The following CNTNAP5 variants were observed in gnomAD, a reference collection of about 807,000 sequenced individuals.
CNTNAP5 encodes the protein contactin-associated protein-like 5.
In CNTNAP5, 72 loss-of-function variants were observed where a neutral mutation model predicts 150.2. That is an observed-to-expected ratio of 0.48 (90% CI 0.40 to 0.58). CNTNAP5 has a LOEUF of 0.58. CNTNAP5 is among the 20% of genes least tolerant of loss of function. The pLI is 0.00. For missense variants in CNTNAP5, 1,636 were observed against 1,626.2 expected (o/e 1.01, Z -0.10); for synonymous variants, 672 against 619.8 (o/e 1.08, Z -1.25).
intron 6 of CNTNAP5, among the ~76,000 whole-genome samples, chr2:124,449,434 A>C (rs967799870): frequency 7.2e-5 from 11 of 152,110 alleles, no homozygotes; most frequent in Non-Finnish European, 1.6e-4. Flanking sequence ...TTCCCCCGAC[A>C]TACTTTCCCT....
chr2:124,050,663 G>A (rs189846151), intron 1 of CNTNAP5, among the ~76,000 whole-genome samples: 1 of 152,158 alleles, frequency 6.6e-6, no homozygotes, highest in East Asian at 1.9e-4. Context: ...TCCTTACATG[G>A]TACCTTTGAC....
At chr2:124,506,078 G>A (rs2104865365) in intron 8 of CNTNAP5, among the ~76,000 whole-genome samples, 1 of 152,080 alleles carries the variant, frequency 6.6e-6, no homozygotes, top group Non-Finnish European at 1.5e-5. Flanking sequence ...ATTAATATAA[G>A]TAGATAGTTT....
intron 16 of CNTNAP5, among the ~76,000 whole-genome samples, chr2:124,768,013 T>C (rs147348435): frequency 3.4e-4 from 51 of 152,194 alleles, no homozygotes; most frequent in African/African-American, 1.2e-3. Context: ...ACATTGCAGA[T>C]TGATTTATAC....
chr2:124,243,474 T>A (rs1410699440), intron 3 of CNTNAP5, among the ~76,000 whole-genome samples: 1 of 152,190 alleles, frequency 6.6e-6, no homozygotes, highest in Non-Finnish European at 1.5e-5. Context: ...AAATTGAGGA[T>A]TAAAATTAGT....
At chr2:124,717,987 G>A (rs928867680) in intron 13 of CNTNAP5, among the ~76,000 whole-genome samples, 1 of 152,064 alleles carries the variant, frequency 6.6e-6, no homozygotes, top group East Asian at 1.9e-4. Flanking sequence ...ACAATATTAA[G>A]GTTTTATTGT....
intron 1 of CNTNAP5, among the ~76,000 whole-genome samples, chr2:124,166,556 T>C (rs545300236): frequency 1.3e-5 from 2 of 152,304 alleles, no homozygotes; most frequent in Non-Finnish European, 2.9e-5. Context: ...CAATTTTCTG[T>C]TATACCTTGT....
chr2:124,651,929 C>T (rs1284181563), intron 13 of CNTNAP5, among the ~76,000 whole-genome samples: 2 of 152,168 alleles, frequency 1.3e-5, no homozygotes, highest in African/African-American at 2.4e-5. Flanking sequence ...CTCCTTCTGC[C>T]TGCTCTCGGC....
At chr2:124,047,949 G>GT (rs1156249885) in intron 1 of CNTNAP5, among the ~76,000 whole-genome samples, 3 of 152,110 alleles carry the variant, frequency 2.0e-5, no homozygotes, top group Non-Finnish European at 4.4e-5. Flanking sequence ...GCATGCACAT[G>GT]TGCATACACA....
intron 13 of CNTNAP5, among the ~76,000 whole-genome samples, chr2:124,737,160 A>G (rs1404480018): frequency 6.6e-6 from 1 of 151,854 alleles, no homozygotes. Flanking sequence ...ACGTGATTGT[A>G]TGCTCTTGTA....
chr2:124,231,939 A>G (rs925768082), intron 2 of CNTNAP5, among the ~76,000 whole-genome samples: 1 of 152,120 alleles, frequency 6.6e-6, no homozygotes. Flanking sequence ...AGATTTGAAC[A>G]TCACCATTTG....
chr2:124,285,640 G>GA (rs543856032), intron 3 of CNTNAP5, among the ~76,000 whole-genome samples: 11,405 of 143,890 alleles, frequency 0.079, 567 homozygotes, highest in Non-Finnish European at 0.12. Flanking sequence ...TCCTCTGCAA[G>GA]AAAAAAAAAA....
chr2:124,199,680 G>C (rs1685672844), intron 1 of CNTNAP5, among the ~76,000 whole-genome samples: 2 of 152,158 alleles, frequency 1.3e-5, no homozygotes, highest in African/African-American at 4.8e-5. Flanking sequence ...CTTCCAACGA[G>C]CTGGGATTAC....
chr2:124,627,028 C>T (rs1307613570), intron 12 of CNTNAP5, among the ~76,000 whole-genome samples: 1 of 152,176 alleles, frequency 6.6e-6, no homozygotes, highest in African/African-American at 2.4e-5. Context: ...CTGGAGAGGG[C>T]CTCCCTGTAG....
At chr2:124,261,718 T>C (rs1183450336) in intron 3 of CNTNAP5, among the ~76,000 whole-genome samples, 2 of 152,122 alleles carry the variant, frequency 1.3e-5, no homozygotes, top group Non-Finnish European at 2.9e-5. Flanking sequence ...TTACTATTTC[T>C]GCAGTGACAT....
intron 21 of CNTNAP5, among the ~76,000 whole-genome samples, chr2:124,892,859 C>T (rs376908117): frequency 3.3e-5 from 5 of 152,126 alleles, no homozygotes; most frequent in African/African-American, 7.2e-5. Flanking sequence ...TGCATGAAGG[C>T]GTTGAAGACT....
At position 124,451,232 on chromosome 2, in the gene CNTNAP5, C is replaced by A. The variant is rs1692974004; in HGVS notation, c.918+4295C>A. On this transcript the variant is annotated intron_variant, in intron 6 of 23. Transcript: ENST00000682447. ...ACAAAATATATTTTCAATGAAAATT[C>A]TTAGTCAAAAAAACAAACAAAAAAT... Among the ~76,000 whole-genome samples, 3 of 150,464 alleles carry A rather than the reference C, an allele frequency of 2.0e-5. No individual in the cohort carries two copies. The South Asian group carries it at 6.2e-4, about 31-fold the overall frequency.
intron 3 of CNTNAP5, among the ~76,000 whole-genome samples, chr2:124,244,687 G>A (rs184798119): frequency 2.0e-5 from 3 of 152,226 alleles, no homozygotes; most frequent in Admixed American, 1.3e-4. Context: ...ATAGAGTGGC[G>A]TTAGGCAGGA....
chr2:124,708,881 T>C (rs1454815710), intron 13 of CNTNAP5, among the ~76,000 whole-genome samples: 2 of 152,180 alleles, frequency 1.3e-5, no homozygotes, highest in Non-Finnish European at 2.9e-5. Flanking sequence ...AAATCTTACC[T>C]GACTACAGAG....
chr2:124,074,968 G>A (rs546703195), intron 1 of CNTNAP5, among the ~76,000 whole-genome samples: 5 of 152,188 alleles, frequency 3.3e-5, no homozygotes, highest in African/African-American at 1.2e-4. Context: ...AGTGTTCCTT[G>A]TGTCTGTGAA....
Sources: allele counts gnomAD v4.1 joint callset (sites outside exome capture counted in the v4.1 genomes callset), GRCh38; gene constraint gnomAD v4.1.1; transcripts MANE v1.5; gene names NCBI Gene and HGNC (gene_info 2026-07-23, HGNC 2026-07-21).